Variants in DAB1 observed in about 807,000 individuals in gnomAD.
DAB1 encodes the protein disabled homolog 1.
A neutral mutation model predicts 64.6 loss-of-function variants in DAB1; 15 were observed. That is an observed-to-expected ratio of 0.23 (90% confidence interval 0.16 to 0.36). The LOEUF is 0.36. Ranked by LOEUF, DAB1 falls within the 10% of genes least tolerant of loss-of-function variation. DAB1 has a pLI of 1.00. For missense variants in DAB1, 596 were observed against 706.7 expected (o/e 0.84, Z 1.78); for synonymous variants, 235 against 251.9 (o/e 0.93, Z 0.64).
intron 1 of DAB1, among the ~76,000 whole-genome samples, chr1:57,304,807 G>T (rs1673995584): frequency 6.6e-6 from 1 of 152,058 alleles, no homozygotes; most frequent in Non-Finnish European, 1.5e-5. Flanking sequence ...TTCTCAAAAT[G>T]AGTTAGGAAA....
chr1:58,185,851 A>AT (rs1327025434), intron 4 of DAB1, among the ~76,000 whole-genome samples: 2 of 152,194 alleles, frequency 1.3e-5, no homozygotes, highest in Non-Finnish European at 2.9e-5. Flanking sequence ...TGGGCAAGTC[A>AT]TTGAGTTTCT....
At chr1:57,456,342 C>T (rs1422244022) in intron 7 of DAB1, among the ~76,000 whole-genome samples, 2 of 152,082 alleles carry the variant, frequency 1.3e-5, no homozygotes, top group African/African-American at 2.4e-5. Context: ...GCATCTCTCA[C>T]CATTAAAAGA....
At chr1:57,635,495 A>G (rs1179226172) in intron 7 of DAB1, among the ~76,000 whole-genome samples, 1 of 152,100 alleles carries the variant, frequency 6.6e-6, no homozygotes, top group Non-Finnish European at 1.5e-5. Context: ...TGAGCATGCC[A>G]GGGATCTAGG....
Position 57,913,577 on chromosome 1 carries a change from A to C in DAB1, n.388-29415T>G, listed in dbSNP as rs113561581. On this transcript the variant is annotated intron_variant and non_coding_transcript_variant, in intron 5 of 20. Transcript: ENST00000485760. The stretch of plus-strand genomic sequence containing the variant: ...AAACACCAAAAGCAATGGCAACAAA[A>C]GCCAAAATTGACAAAGGAGATCTAA... 3.7e-3 allele frequency among the ~76,000 whole-genome samples: 557 copies of C among 152,354 alleles called. 1 individual carries two copies. Among genetic ancestry groups the C allele is most frequent in the African/African-American group, 0.013 (538 of 41,578 alleles).
chr1:57,987,430 G>T (rs1646246659), intron 5 of DAB1, among the ~76,000 whole-genome samples: 1 of 152,198 alleles, frequency 6.6e-6, no homozygotes, highest in Non-Finnish European at 1.5e-5. Flanking sequence ...ATAAAGAAGA[G>T]CAAGCTGGGG....
At chr1:57,572,064 G>A (rs1426785982) in intron 7 of DAB1, among the ~76,000 whole-genome samples, 8 of 152,180 alleles carry the variant, frequency 5.3e-5, no homozygotes, top group African/African-American at 1.9e-4. Flanking sequence ...AGCTGCGAGT[G>A]GCACTAGCAG....
At chr1:58,440,312 G>C (rs1644994291) in intron 3 of DAB1, among the ~76,000 whole-genome samples, 1 of 152,194 alleles carries the variant, frequency 6.6e-6, no homozygotes, top group Admixed American at 6.5e-5. Flanking sequence ...GCTAGATGCT[G>C]AGCTTACAGA....
chr1:58,136,297 G>T (rs1653940383), intron 5 of DAB1, among the ~76,000 whole-genome samples: 1 of 152,098 alleles, frequency 6.6e-6, no homozygotes, highest in African/African-American at 2.4e-5. Context: ...GCTTCAAGTG[G>T]GACATGCAAC....
chr1:57,819,149 T>C lies in DAB1; in HGVS notation n.551+64850A>G, dbSNP rs564133402. Among the ~76,000 whole-genome samples the C allele has an allele frequency of 1.1e-3, 170 of 152,312 alleles. No individual in the cohort carries two copies. The Middle Eastern group carries it at 0.031, about 28-fold the overall frequency. On this transcript the variant is annotated intron_variant and non_coding_transcript_variant, in intron 6 of 20. Transcript: ENST00000485760. ...TTTGGGGAACCTCCCAGATCATCAG[T>C]CATGAAGCAGGGCTTCAACATGACA...
At chr1:57,494,533 T>A (rs1239447658) in intron 7 of DAB1, among the ~76,000 whole-genome samples, 1 of 152,218 alleles carries the variant, frequency 6.6e-6, no homozygotes, top group Non-Finnish European at 1.5e-5. Flanking sequence ...ATCCCATTTG[T>A]GTCTTGTGAT....
At chr1:57,459,035 CAA>C in intron 7 of DAB1, among the ~76,000 whole-genome samples, 1 of 152,076 alleles carries the variant, frequency 6.6e-6, no homozygotes, top group African/African-American at 2.4e-5. Flanking sequence ...TTTAACTGAT[CAA>C]AGTGATAATA....
chr1:57,250,037 T>C (rs1337901026), intron 2 of DAB1, among the ~76,000 whole-genome samples: 1 of 152,208 alleles, frequency 6.6e-6, no homozygotes, highest in Non-Finnish European at 1.5e-5. Context: ...AAAGTCTGAA[T>C]TCAGGACTGG....
At chr1:57,892,586 G>C (rs138187644) in intron 5 of DAB1, among the ~76,000 whole-genome samples, 1 of 152,316 alleles carries the variant, frequency 6.6e-6, no homozygotes, top group East Asian at 1.9e-4. Context: ...ACTCAGGCAA[G>C]TTGTCTCTGA....
intron 4 of DAB1, among the ~76,000 whole-genome samples, chr1:57,116,314 T>C (rs1400216649): frequency 6.6e-6 from 1 of 151,184 alleles, no homozygotes; most frequent in Non-Finnish European, 1.5e-5. Context: ...ATACAAAAAT[T>C]AGCCGGGCCC....
chr1:57,957,816 C>T (rs1404530788), intron 5 of DAB1, among the ~76,000 whole-genome samples: 1 of 152,142 alleles, frequency 6.6e-6, no homozygotes, highest in African/African-American at 2.4e-5. Context: ...TAAGAATTAG[C>T]ACCTTGGAGT....
At chr1:57,757,879 G>A (rs1648891849) in intron 6 of DAB1, among the ~76,000 whole-genome samples, 1 of 152,002 alleles carries the variant, frequency 6.6e-6, no homozygotes, top group Non-Finnish European at 1.5e-5. Flanking sequence ...TGCAGTGGCA[G>A]GATCAAGGCT....
chr1:58,034,586 C>G (rs79042502), intron 5 of DAB1, among the ~76,000 whole-genome samples: 1 of 152,078 alleles, frequency 6.6e-6, no homozygotes, highest in Non-Finnish European at 1.5e-5. Context: ...TCTGCCAGAT[C>G]GTGTAGAAGG....
At chr1:57,911,391 A>G (rs921325784) in intron 5 of DAB1, among the ~76,000 whole-genome samples, 1 of 152,166 alleles carries the variant, frequency 6.6e-6, no homozygotes, top group African/African-American at 2.4e-5. Flanking sequence ...TGGGAAGGCA[A>G]AAGGAAGGGA....
intron 5 of DAB1, among the ~76,000 whole-genome samples, chr1:58,148,524 G>A (rs1423211724): frequency 6.6e-6 from 1 of 152,094 alleles, no homozygotes; most frequent in Non-Finnish European, 1.5e-5. Context: ...TTCGATCATT[G>A]TATTAGTCCA....
Sources: gnomAD v4.1 joint callset for allele counts (sites outside exome capture counted in the v4.1 genomes callset) on GRCh38, gnomAD v4.1.1 for gene constraint, MANE v1.5 for transcripts, NCBI Gene and HGNC (gene_info 2026-07-23, HGNC 2026-07-21) for gene names.